The following ERC1 variants were observed in gnomAD, a reference collection of about 807,000 sequenced individuals.
The protein encoded by ERC1 is RAB6 interacting protein 2.
A neutral mutation model predicts 132.0 loss-of-function variants in ERC1; 56 were observed. The ratio of observed to expected loss-of-function variants is 0.42; its 90% CI spans 0.34 to 0.53. The LOEUF is 0.53. Ranked by LOEUF, ERC1 falls within the 20% of genes least tolerant of loss-of-function variation. ERC1 has a pLI of 0.03. For synonymous variants in ERC1, 478 were observed against 476.1 expected (o/e 1.00, Z -0.05); for missense variants, 1,202 against 1,349.9 (o/e 0.89, Z 1.72).
At chr12:1,247,153 C>T (rs560571151) in intron 13 of ERC1, among the ~76,000 whole-genome samples, 2 of 149,330 alleles carry the variant, frequency 1.3e-5, no homozygotes, top group South Asian at 4.3e-4. Context: ...GCAGTGAGCC[C>T]AGGAGTTTGA....
rs1318214021 is a variant in ERC1 at position 1,259,486 on chromosome 12, G to A, written c.2488-3548G>A. 2.4e-5 allele frequency among the ~76,000 whole-genome samples: 3 copies of A among 126,414 alleles called. No individual in the cohort carries two copies. The South Asian group carries it at 7.9e-4, about 33-fold the overall frequency. The allele number at this position is 126,414 out of a possible 152,430, so 82.9% of individuals were successfully genotyped here. The stretch of plus-strand genomic sequence containing the variant: ...CTAGGGTACCTTAGTTTTCCTTTTT[G>A]TTTTTCCTGTCTTGGGTATCTCTTT... On this transcript the variant is annotated intron_variant, in intron 13 of 18. Transcript: ENST00000360905.
chr12:1,066,592 T>G (rs1176810292), intron 2 of ERC1, among the ~76,000 whole-genome samples: 1 of 152,156 alleles, frequency 6.6e-6, no homozygotes, highest in African/African-American at 2.4e-5. Flanking sequence ...ATCCCAGCAC[T>G]TTGGGAGACT....
At chr12:1,029,492 A>G (rs1967578888) in intron 2 of ERC1, among the ~76,000 whole-genome samples, 1 of 152,182 alleles carries the variant, frequency 6.6e-6, no homozygotes, top group African/African-American at 2.4e-5. Flanking sequence ...AAGGTGGAGG[A>G]AAGGCAACTT....
intron 18 of ERC1, among the ~76,000 whole-genome samples, chr12:1,466,614 T>G (rs1007828542): frequency 1.3e-5 from 2 of 152,270 alleles, no homozygotes; most frequent in African/African-American, 4.8e-5. Flanking sequence ...CCAAATAAAC[T>G]GTGGGGCTCT....
intron 18 of ERC1, among the ~76,000 whole-genome samples, chr12:1,456,858 C>G (rs2093547893): frequency 6.6e-6 from 1 of 151,956 alleles, no homozygotes; most frequent in South Asian, 2.1e-4. Flanking sequence ...CTCTTGCATT[C>G]CCATCCCCAT....
chr12:1,056,977 T>A (rs1295606052), intron 2 of ERC1, among the ~76,000 whole-genome samples: 2 of 152,172 alleles, frequency 1.3e-5, no homozygotes, highest in Non-Finnish European at 2.9e-5. Flanking sequence ...AAATCTAGAA[T>A]TTGTTGCCAG....
At chr12:1,381,429 C>G (rs1027765851) in intron 16 of ERC1, among the ~76,000 whole-genome samples, 1 of 152,098 alleles carries the variant, frequency 6.6e-6, no homozygotes, top group Non-Finnish European at 1.5e-5. Context: ...TAGCTCCTGG[C>G]CTCAAGCCAT....
intron 17 of ERC1, among the ~76,000 whole-genome samples, chr12:1,418,036 AT>A (rs2092208081): frequency 6.6e-6 from 1 of 152,210 alleles, no homozygotes; most frequent in Non-Finnish European, 1.5e-5. Flanking sequence ...TAGCTAACTT[AT>A]CCAAGTTCAC....
chr12:1,236,362 A>G (rs1365766687), intron 12 of ERC1, among the ~76,000 whole-genome samples: 1 of 152,184 alleles, frequency 6.6e-6, no homozygotes, highest in East Asian at 1.9e-4. Context: ...GAAATATTTA[A>G]TAATGGTAAA....
chr12:1,415,556 C>A (rs572457886), intron 17 of ERC1, among the ~76,000 whole-genome samples: 1 of 152,174 alleles, frequency 6.6e-6, no homozygotes, highest in Non-Finnish European at 1.5e-5. Context: ...TTGGAAACAT[C>A]CTAAAATTAT....
At chr12:1,369,164 A>G (rs549570480) in intron 15 of ERC1, among the ~76,000 whole-genome samples, 120 of 152,362 alleles carry the variant, frequency 7.9e-4, no homozygotes, top group Non-Finnish European at 1.1e-3. Context: ...CTCAGACTCC[A>G]ATGCCACATT....
intron 15 of ERC1, among the ~76,000 whole-genome samples, chr12:1,354,756 T>C: frequency 6.6e-6 from 1 of 152,168 alleles, no homozygotes; most frequent in East Asian, 1.9e-4. Flanking sequence ...GTTCAGTTGA[T>C]TTTCCTGCCT....
At chr12:1,444,497 T>G (rs927270078) in intron 17 of ERC1, 65 bp from the exon 18 acceptor site, 49 of 1,157,702 alleles carry the variant, frequency 4.2e-5, no homozygotes, top group Non-Finnish European at 5.5e-5. Context: ...TATTTGAACC[T>G]CTCATTTCAG....
intron 17 of ERC1, among the ~76,000 whole-genome samples, chr12:1,419,312 C>A (rs958908300): frequency 6.6e-6 from 1 of 151,982 alleles, no homozygotes. Context: ...TCTGGTAATG[C>A]ATTTTAGGAT....
intron 7 of ERC1, among the ~76,000 whole-genome samples, chr12:1,123,911 G>A (rs962500654): frequency 3.3e-5 from 5 of 152,200 alleles, no homozygotes; most frequent in Non-Finnish European, 7.3e-5. Context: ...CAGGAGAATT[G>A]CTTGAACCCA....
At chr12:1,158,099 T>C (rs1951565114) in intron 8 of ERC1, among the ~76,000 whole-genome samples, 1 of 152,246 alleles carries the variant, frequency 6.6e-6, no homozygotes, top group Admixed American at 6.5e-5. Flanking sequence ...TAGTTTCTCC[T>C]GTGATTATCT....
chr12:1,452,331 A>G lies in ERC1; in HGVS notation c.3213+7581A>G, dbSNP rs142742710. 4.2e-3 allele frequency among the ~76,000 whole-genome samples: 645 copies of G among 152,068 alleles called. 2 individuals are homozygous for G. Among genetic ancestry groups the G allele is most frequent in the African/African-American group, 0.013 (529 of 41,482 alleles). On this transcript the variant is annotated intron_variant, in intron 18 of 18. Transcript: ENST00000360905. ...GGGTTGGTTGGTTGGTTGATATACC[A>G]TGTTCTTTTTTCTCCTGAGGCTTTC...
chr12:1,216,043 TG>T (rs1958375089), intron 12 of ERC1, among the ~76,000 whole-genome samples: 1 of 152,194 alleles, frequency 6.6e-6, no homozygotes, highest in Admixed American at 6.5e-5. Context: ...TAAATGTTTT[TG>T]TATGAAAATA....
At chr12:1,301,778 T>C (rs192425204) in intron 15 of ERC1, among the ~76,000 whole-genome samples, 2 of 152,214 alleles carry the variant, frequency 1.3e-5, no homozygotes, top group East Asian at 3.9e-4. Flanking sequence ...GACACAAGTT[T>C]ACCTATTTAA....
Sources: gnomAD v4.1 joint callset for allele counts (sites outside exome capture counted in the v4.1 genomes callset) on GRCh38, gnomAD v4.1.1 for gene constraint, MANE v1.5 for transcripts, NCBI Gene and HGNC (gene_info 2026-07-23, HGNC 2026-07-21) for gene names.